MTFR1: variants seen among roughly 807,000 people sequenced by gnomAD.
The protein encoded by MTFR1 is mitochondrial fission regulator 1.
MTFR1 carries 28 observed loss-of-function variants against 38.8 expected under a neutral mutation model. The observed-to-expected ratio is 0.72, with a 90% CI of 0.53 to 0.99. The LOEUF (loss-of-function observed/expected upper bound fraction) is 0.99, where lower values mean the gene tolerates loss of function less well. MTFR1 is among the 50% of genes least tolerant of loss of function. MTFR1 has a pLI of 0.00. For synonymous variants in MTFR1, 145 were observed against 137.0 expected (o/e 1.06, Z -0.41); for missense variants, 358 against 395.5 (o/e 0.91, Z 0.81).
chr8:65,701,752 G>T (rs1320514905), intron 4 of MTFR1, among the ~76,000 whole-genome samples: 1 of 152,138 alleles, frequency 6.6e-6, no homozygotes, highest in Admixed American at 6.5e-5. Flanking sequence ...TGTTTTTTAA[G>T]GAGTGTCAGG....
chr8:65,687,598 G>T (rs1213440265), intron 3 of MTFR1, among the ~76,000 whole-genome samples: 2 of 152,024 alleles, frequency 1.3e-5, no homozygotes, highest in Non-Finnish European at 2.9e-5. Context: ...GCCCGCCTCG[G>T]CCTCCCAAAG....
intron 1 of MTFR1, among the ~76,000 whole-genome samples, chr8:65,656,035 T>TA (rs1282914972): frequency 1.2e-4 from 14 of 117,848 alleles, no homozygotes; most frequent in Middle Eastern, 5.1e-3. Flanking sequence ...CAAGGACATT[T>TA]AAAAAAAAAT....
intron 4 of MTFR1, among the ~76,000 whole-genome samples, chr8:65,703,435 T>TTG (rs1805681417): frequency 7.8e-6 from 1 of 128,282 alleles, no homozygotes; most frequent in African/African-American, 3.1e-5. Context: ...TTTTTTTTTT[T>TTG]TTTTTTTTTT....
intron 5 of MTFR1, among the ~76,000 whole-genome samples, chr8:65,705,327 C>T (rs1346951893): frequency 6.6e-6 from 1 of 152,056 alleles, no homozygotes; most frequent in Middle Eastern, 3.2e-3. Flanking sequence ...CTTCTCAAAA[C>T]TAAACAAAAA....
intron 4 of MTFR1, among the ~76,000 whole-genome samples, chr8:65,695,394 C>T (rs569887575): frequency 6.6e-5 from 10 of 151,994 alleles, no homozygotes; most frequent in South Asian, 6.2e-4. Context: ...CTTGGTTGCC[C>T]GAGTGAGGCT....
At chr8:65,745,443 T>G in intron 3 of MTFR1, 2 of 1,575,180 alleles carry the variant, frequency 1.3e-6, no homozygotes, top group South Asian at 2.2e-5. Flanking sequence ...ATATCAAAAT[T>G]CCAATTTCCA....
intron 3 of MTFR1, among the ~76,000 whole-genome samples, chr8:65,731,329 C>T (rs1348350662): frequency 1.3e-5 from 2 of 152,164 alleles, no homozygotes; most frequent in Non-Finnish European, 2.9e-5. Flanking sequence ...ACGTGCAGGG[C>T]CAGGCTCTTT....
chr8:65,712,329 CT>C (rs1264823293), downstream of MTFR1, among the ~76,000 whole-genome samples: 1 of 152,150 alleles, frequency 6.6e-6, no homozygotes, highest in East Asian at 1.9e-4. Context: ...CCTGCCTTCC[CT>C]TCTGCAAGGG....
At chr8:65,654,724 C>T (rs1042532381) in intron 1 of MTFR1, among the ~76,000 whole-genome samples, 1 of 152,080 alleles carries the variant, frequency 6.6e-6, no homozygotes, top group Non-Finnish European at 1.5e-5. Flanking sequence ...ACTACAGGTG[C>T]ATACCACTGT....
intron 1 of MTFR1, among the ~76,000 whole-genome samples, chr8:65,660,877 T>A (rs990753506): frequency 6.6e-6 from 1 of 152,188 alleles, no homozygotes; most frequent in Non-Finnish European, 1.5e-5. Flanking sequence ...TAAAATGGAA[T>A]GTTATTCCAC....
At chr8:65,667,046 G>T (rs891856726) in intron 1 of MTFR1, among the ~76,000 whole-genome samples, 2 of 152,184 alleles carry the variant, frequency 1.3e-5, no homozygotes, top group Admixed American at 1.3e-4. Context: ...GGCTGAGGTG[G>T]TGGATCGCCT....
At chr8:65,774,657 A>G (rs1159659140), downstream of MTFR1, among the ~76,000 whole-genome samples, 6 of 151,572 alleles carry the variant, frequency 4.0e-5, no homozygotes, top group African/African-American at 7.2e-5. Flanking sequence ...TAATTTAAAA[A>G]TATATAAAAC....
chr8:65,680,577 A>C (rs900464194), intron 2 of MTFR1, among the ~76,000 whole-genome samples: 5 of 152,174 alleles, frequency 3.3e-5, no homozygotes, highest in Non-Finnish European at 5.9e-5. Context: ...CTTTTATCTA[A>C]GGGTCTAGTT....
At chr8:65,686,965 T>C (rs1805103579) in intron 3 of MTFR1, among the ~76,000 whole-genome samples, 1 of 152,122 alleles carries the variant, frequency 6.6e-6, no homozygotes, top group South Asian at 2.1e-4. Flanking sequence ...TGTGGCCATT[T>C]TATTCATCTC....
intron 1 of MTFR1, among the ~76,000 whole-genome samples, chr8:65,659,006 T>G (rs1809341053): frequency 6.6e-6 from 1 of 151,956 alleles, no homozygotes; most frequent in South Asian, 2.1e-4. Flanking sequence ...GGGAGGGAAG[T>G]AAGCCAGGGG....
chr8:65,700,615 G>A (rs554527245), intron 4 of MTFR1, among the ~76,000 whole-genome samples: 3 of 152,174 alleles, frequency 2.0e-5, no homozygotes, highest in African/African-American at 4.8e-5. Flanking sequence ...ATTCTAAGGA[G>A]AACGTATAGT....
intron 3 of MTFR1, among the ~76,000 whole-genome samples, chr8:65,754,679 C>A: frequency 6.7e-6 from 1 of 149,350 alleles, no homozygotes; most frequent in African/African-American, 2.4e-5. Context: ...TTTAATTCTT[C>A]CATTAGGCTG....
chr8:65,656,741 T>TC (rs1277941056), intron 1 of MTFR1, among the ~76,000 whole-genome samples: 5 of 151,950 alleles, frequency 3.3e-5, no homozygotes, highest in African/African-American at 1.2e-4. Flanking sequence ...CCTCAGGTGA[T>TC]CCGCCTGCCT....
At chr8:65,669,785 G>T in intron 1 of MTFR1, 88 bp from the exon 2 acceptor site, 1 of 608,498 alleles carries the variant, frequency 1.6e-6, no homozygotes, top group South Asian at 2.1e-5. Flanking sequence ...TTTTAAAAAT[G>T]TTTTAGGCTT....
Sources: gnomAD v4.1 joint callset for allele counts (sites outside exome capture counted in the v4.1 genomes callset) on GRCh38, gnomAD v4.1.1 for gene constraint, MANE v1.5 for transcripts, NCBI Gene and HGNC (gene_info 2026-07-23, HGNC 2026-07-21) for gene names.